FRMD4B: variants seen among roughly 807,000 people sequenced by gnomAD.
FRMD4B encodes FERM domain-containing protein 4B.
A neutral mutation model predicts 141.5 loss-of-function variants in FRMD4B; 74 were observed. The observed-to-expected ratio is 0.52, with a 90% confidence interval of 0.43 to 0.63. The LOEUF (loss-of-function observed/expected upper bound fraction) is 0.63. Among genes scored for constraint, FRMD4B ranks in the 30% least tolerant of loss-of-function variants. The pLI is 0.00. For missense variants in FRMD4B, 1,366 were observed against 1,253.4 expected (o/e 1.09, Z -1.36); for synonymous variants, 506 against 467.9 (o/e 1.08, Z -1.05).
At chr3:69,355,381 G>C (rs2107448932) in intron 1 of FRMD4B, among the ~76,000 whole-genome samples, 2 of 152,250 alleles carry the variant, frequency 1.3e-5, no homozygotes, top group African/African-American at 4.8e-5. Context: ...CTTCTTGTTT[G>C]GAAGGTGGGG....
intron 1 of FRMD4B, among the ~76,000 whole-genome samples, chr3:69,344,891 C>T (rs1299817920): frequency 6.6e-6 from 1 of 152,186 alleles, no homozygotes; most frequent in Non-Finnish European, 1.5e-5. Flanking sequence ...CAGCTCCAGT[C>T]TATAGCTCCC....
rs188081082 is a variant in FRMD4B at position 69,467,932 on chromosome 3, C to G, written c.-128-35171G>C. Among the ~76,000 whole-genome samples, 975 of 152,268 alleles carry G rather than the reference C, an allele frequency of 6.4e-3. 17 individuals carry two copies. The East Asian group carries it at 0.07, about 11-fold the overall frequency. On this transcript the variant is annotated intron_variant, in intron 1 of 5. Coordinates refer to the FRMD4B transcript ENST00000459638. Reference sequence around the variant, plus strand: ...TTGACCAATGTGGAAAAACGCAGAGCCAAGGGATACACTCACCTGGGCCTG... The same window carrying G: ...TTGACCAATGTGGAAAAACGCAGAGGCAAGGGATACACTCACCTGGGCCTG...
chr3:69,316,906 G>C (rs995844441), intron 1 of FRMD4B, among the ~76,000 whole-genome samples: 7 of 152,210 alleles, frequency 4.6e-5, no homozygotes, highest in Non-Finnish European at 1.0e-4. Context: ...TGGATGACCT[G>C]AGGTCAGGAG....
chr3:69,248,961 T>C (rs986965152), intron 7 of FRMD4B, among the ~76,000 whole-genome samples: 25 of 152,242 alleles, frequency 1.6e-4, no homozygotes, highest in African/African-American at 6.0e-4. Context: ...TTCATCTCAC[T>C]AATTAACAGA....
Position 69,196,380 on chromosome 3 carries a change from G to A in FRMD4B, c.1109C>T (p.Ala370Val). 1 of 1,608,944 alleles carries A rather than the reference G, an allele frequency of 6.2e-7. No homozygotes were observed. Among genetic ancestry groups the A allele is most frequent in the Non-Finnish European group, 8.5e-7 (1 of 1,178,204 alleles). The change falls in exon 14 of 23, where the codon GCC (alanine) becomes GTC (valine). Residue 370 changes from alanine (A) to valine (V), a missense_variant. Ala to Val is a moderately conservative substitution (Grantham distance 64). Transcript: ENST00000398540. ...RKQSKAKIPS[A>V]RSLDEIAMDL... Reference sequence around the variant, plus strand: ...CATTGCAATCTCATCTAAACTCCTGGCTGAAGGAATTTTTGCCTAAGAGGC... The same window carrying A: ...CATTGCAATCTCATCTAAACTCCTGACTGAAGGAATTTTTGCCTAAGAGGC...
chr3:69,427,318 C>A (rs1324615449), intron 2 of FRMD4B, among the ~76,000 whole-genome samples: 1 of 148,102 alleles, frequency 6.8e-6, no homozygotes, highest in Non-Finnish European at 1.5e-5. Flanking sequence ...TTATATATTA[C>A]TTAATATACC....
At chr3:69,507,517 C>G (rs1466744134) in intron 1 of FRMD4B, among the ~76,000 whole-genome samples, 2 of 152,026 alleles carry the variant, frequency 1.3e-5, no homozygotes, top group East Asian at 1.9e-4. Flanking sequence ...TTTTTAATAC[C>G]TACATAGTAT....
At chr3:69,261,726 G>A (rs967569173) in intron 5 of FRMD4B, among the ~76,000 whole-genome samples, 3 of 152,210 alleles carry the variant, frequency 2.0e-5, no homozygotes, top group African/African-American at 7.2e-5. Flanking sequence ...AGGCTGGAGT[G>A]CAGTGGCACG....
intron 7 of FRMD4B, among the ~76,000 whole-genome samples, chr3:69,247,522 C>T (rs909886583): frequency 1.3e-5 from 2 of 152,158 alleles, no homozygotes; most frequent in East Asian, 1.9e-4. Flanking sequence ...AGTCTCACTC[C>T]GTCACCCAGG....
At chr3:69,203,320 C>CAAAAAA (rs796607832) in intron 11 of FRMD4B, among the ~76,000 whole-genome samples, 6 of 107,894 alleles carry the variant, frequency 5.6e-5, no homozygotes, top group East Asian at 3.4e-4. Flanking sequence ...CAAACTTCAG[C>CAAAAAA]AAAAAAAAAA....
chr3:69,214,422 G>T (rs1042613215), intron 11 of FRMD4B, among the ~76,000 whole-genome samples: 2 of 152,134 alleles, frequency 1.3e-5, no homozygotes, highest in Non-Finnish European at 2.9e-5. Context: ...AGGGAGAGTG[G>T]CAAAACCAAC....
intron 1 of FRMD4B, among the ~76,000 whole-genome samples, chr3:69,330,729 T>C (rs566947764): frequency 7.2e-5 from 11 of 152,156 alleles, no homozygotes; most frequent in Admixed American, 1.3e-4. Context: ...ACTCCTGGGC[T>C]TAAGTGATCC....
intron 1 of FRMD4B, chr3:69,353,835 C>G: frequency 5.7e-6 from 2 of 353,592 alleles, no homozygotes; most frequent in Non-Finnish European, 7.9e-6. Flanking sequence ...ATAAAAACAA[C>G]TAAAAAACTT....
rs530460929 is a variant in FRMD4B, at chr3:69,297,032, A to C, written c.416+5311T>G. 3.3e-5 allele frequency among the ~76,000 whole-genome samples: 5 copies of C among 152,264 alleles called. No individual in the cohort carries two copies. In the East Asian group the frequency reaches 9.7e-4, roughly 29 times the overall value. On this transcript the variant is annotated intron_variant, in intron 4 of 22. Coordinates refer to ENST00000398540, the MANE Select transcript of FRMD4B (RefSeq NM_015123.3). Reference sequence around the variant, plus strand: ...ATATTGCATGGACTTTTTGTGGTCTACTTCTTTCACCTAGAATATATTGGG... The same window carrying C: ...ATATTGCATGGACTTTTTGTGGTCTCCTTCTTTCACCTAGAATATATTGGG...
At chr3:69,312,263 T>C (rs1701622557) in intron 2 of FRMD4B, among the ~76,000 whole-genome samples, 1 of 152,202 alleles carries the variant, frequency 6.6e-6, no homozygotes, top group Non-Finnish European at 1.5e-5. Context: ...TCTGGATGGA[T>C]TCTTTCTGAA....
intron 1 of FRMD4B, among the ~76,000 whole-genome samples, chr3:69,347,117 A>T (rs1024530201): frequency 1.3e-5 from 2 of 152,222 alleles, no homozygotes; most frequent in African/African-American, 4.8e-5. Context: ...CATAGGCTCA[A>T]AATAAAGAGA....
chr3:69,358,359 A>G (rs1703383633), intron 1 of FRMD4B, among the ~76,000 whole-genome samples: 1 of 152,108 alleles, frequency 6.6e-6, no homozygotes, highest in Admixed American at 6.5e-5. Context: ...GGAATCCCAC[A>G]TTTTCATTTT....
At chr3:69,476,513 T>C (rs941096184) in intron 1 of FRMD4B, among the ~76,000 whole-genome samples, 1 of 152,208 alleles carries the variant, frequency 6.6e-6, no homozygotes, top group Non-Finnish European at 1.5e-5. Context: ...CAGATAGTTG[T>C]AGATATGTGG....
intron 4 of FRMD4B, among the ~76,000 whole-genome samples, chr3:69,302,021 G>A (rs749488339): frequency 8.5e-5 from 13 of 152,198 alleles, no homozygotes; most frequent in Non-Finnish European, 1.3e-4. Flanking sequence ...AATCTGATGA[G>A]TGAGAAACAG....
Sources: gnomAD v4.1 joint callset for allele counts (sites outside exome capture counted in the v4.1 genomes callset) on GRCh38, gnomAD v4.1.1 for gene constraint, MANE v1.5 for transcripts, NCBI Gene and HGNC (gene_info 2026-07-23, HGNC 2026-07-21) for gene names.